The following MED28 variants were observed in gnomAD, a reference collection of about 807,000 sequenced individuals.
MED28 encodes mediator complex subunit 28, also known as mediator of RNA polymerase II transcription subunit 28.
In MED28, 26 loss-of-function variants were observed where a neutral mutation model predicts 21.3. That is an observed-to-expected ratio of 1.22 (90% CI 0.89 to 1.69). MED28 has a LOEUF of 1.69. MED28 is among the 40% of genes most tolerant of loss of function. The pLI is 0.00. For missense variants in MED28, 257 were observed against 215.4 expected (o/e 1.19, Z -1.21); for synonymous variants, 110 against 87.6 (o/e 1.26, Z -1.43).
Position 17,621,693 on chromosome 4 carries a change from C to T in MED28, c.333C>T (p.Ile111=). 2 of 1,605,126 alleles carry T rather than the reference C, an allele frequency of 1.2e-6. No homozygotes were observed. Among genetic ancestry groups the T allele is most frequent in the Non-Finnish European group, 1.7e-6 (2 of 1,175,366 alleles). ...CTGTCCAGAAACCAGAGCAAGTTAT[C>T]AAAGAGGTATGAACTCAGTTTTCTC... The part of the protein sequence containing the change: ...QLSVQKPEQV[I]KEDVSELRNE... The change falls in exon 3 of 4, where the codon ATC becomes ATT. Residue 111 remains isoleucine, a synonymous_variant. Coordinates refer to ENST00000237380, the MANE Select transcript of MED28 (RefSeq NM_025205.5).
intron 2 of MED28, among the ~76,000 whole-genome samples, chr4:17,620,356 T>TTG (rs1444155838): frequency 1.3e-5 from 2 of 149,124 alleles, no homozygotes; most frequent in Non-Finnish European, 3.0e-5. Flanking sequence ...TTTTACATGT[T>TTG]TTTTTTTTTT....
Position 17,623,829 on chromosome 4 carries a change from G to A in MED28, c.*31G>A. On this transcript the variant is annotated 3_prime_UTR_variant, in exon 4 of 4. Transcript: ENST00000237380. ...GGGCAGAGGCAGTTGGCCTATGAGT[G>A]GGCTGATGCGTGAGGTTGGCCACAC... 1 of 1,592,154 alleles carries A rather than the reference G, an allele frequency of 6.3e-7. No individual in the cohort carries two copies.
In MED28 at chr4:17,628,474, A is replaced by G. The variant is rs1298455524; in HGVS notation, c.*4676A>G. 50 of 152,164 alleles carry G rather than the reference A, an allele frequency of 3.3e-4. No individual in the cohort carries two copies. The highest frequency in any genetic ancestry group is 1.2e-3 in the African/African-American group (48 of 41,488). The allele number at this position is 152,164 out of a possible 1,614,324, so 9.4% of individuals were successfully genotyped here. On this transcript the variant is annotated 3_prime_UTR_variant, in exon 4 of 4. Transcript: ENST00000237380. ...TCGAGTGAATCCTCACTTCCTTGAA[A>G]TCACCCAACCAGGGCCAGAATCCTA...
In MED28 at chr4:17,633,536, A is replaced by C; in HGVS notation, c.*9738A>C. 1 of 663,428 alleles carries C rather than the reference A, an allele frequency of 1.5e-6. No homozygotes were observed. Among genetic ancestry groups the C allele is most frequent in the Non-Finnish European group, 2.4e-6 (1 of 414,940 alleles). 41.1% of individuals were successfully genotyped at this position (663,428 alleles called of 1,614,324 possible). A position where few individuals can be genotyped will look rare whatever the true frequency, so the allele number is the denominator to read the frequency against. ...TCCACCTTTTGTATAACCCATGCTGAAGTTTTCAGGTAAGTGATTCAGTGT... is the reference window on the plus strand; with the variant it reads ...TCCACCTTTTGTATAACCCATGCTGCAGTTTTCAGGTAAGTGATTCAGTGT... On this transcript the variant is annotated 3_prime_UTR_variant, in exon 4 of 4. Transcript: ENST00000237380.
In MED28 at chr4:17,624,440, A is replaced by G. The variant is rs988724381; in HGVS notation, c.*642A>G. The stretch of plus-strand genomic sequence containing the variant: ...GCTGACTTCTGTTTGGGGTATGTTT[A>G]TATTTTATGTGGTGTTTACTTTTTT... On this transcript the variant is annotated 3_prime_UTR_variant, in exon 4 of 4. Transcript: ENST00000237380. 4.0e-5 allele frequency: 6 copies of G among 151,876 alleles called. No individual in the cohort carries two copies. Among genetic ancestry groups the G allele is most frequent in the Admixed American group, 1.3e-4 (2 of 15,220 alleles). The allele number at this position is 151,876 out of a possible 1,614,324, so 9.4% of individuals were successfully genotyped here.
Position 17,630,990 on chromosome 4 carries a change from A to G in MED28, c.*7192A>G, listed in dbSNP as rs572566097. 5 of 152,356 alleles carry G rather than the reference A, an allele frequency of 3.3e-5. No homozygotes were observed. The East Asian group carries it at 9.6e-4, about 29-fold the overall frequency. 9.4% of individuals were successfully genotyped at this position (152,356 alleles called of 1,614,324 possible). On this transcript the variant is annotated 3_prime_UTR_variant, in exon 4 of 4. Coordinates refer to ENST00000237380, the MANE Select transcript of MED28 (RefSeq NM_025205.5). ...GTGGGCCACCTTCTGGGCCAGCACCAAAGACTGAAAAAATATTTTGCCCCC... is the reference window on the plus strand; with the variant it reads ...GTGGGCCACCTTCTGGGCCAGCACCGAAGACTGAAAAAATATTTTGCCCCC...
intron 1 of MED28, 93 bp from the exon 2 acceptor site, chr4:17,619,808 C>A: frequency 9.4e-7 from 1 of 1,067,134 alleles, no homozygotes; most frequent in Non-Finnish European, 1.4e-6. Flanking sequence ...GCCACCTCAT[C>A]AGATGACTTC....
At position 17,628,290 on chromosome 4, in the gene MED28, G is replaced by GTGTATATGCGTATA. The variant is rs1305257364; in HGVS notation, c.*4493_*4494insGTATATGCGTATAT. The GTGTATATGCGTATA allele has an allele frequency of 6.7e-6, 1 of 148,418 alleles. No individual in the cohort carries two copies. The highest frequency in any genetic ancestry group is 2.6e-5 in the African/African-American group (1 of 39,138). The allele number at this position is 148,418 out of a possible 1,614,324, so 9.2% of individuals were successfully genotyped here. On this transcript the variant is annotated 3_prime_UTR_variant, in exon 4 of 4. Coordinates refer to ENST00000237380, the MANE Select transcript of MED28 (RefSeq NM_025205.5). ...TGTGTGTGTGTGTGTGTGTGTGTGT[G>GTGTATATGCGTATA]TATGTGTATATGCGTATATATGTGT...
Position 17,632,634 on chromosome 4 carries a change from A to C in MED28, c.*8836A>C. The C allele has an allele frequency of 1.4e-6, 2 of 1,419,858 alleles. No individual in the cohort carries two copies. The highest frequency in any genetic ancestry group is 1.9e-6 in the Non-Finnish European group (2 of 1,075,722). 88.0% of individuals were successfully genotyped at this position (1,419,858 alleles called of 1,614,324 possible). The stretch of plus-strand genomic sequence containing the variant: ...TTTCACCATCTGGGGTCCTAAAAGC[A>C]AAAAAAGGTTTTTTTATATGGTTTT... On this transcript the variant is annotated 3_prime_UTR_variant, in exon 4 of 4. Transcript: ENST00000237380.
rs1714765206 is a variant in MED28 at position 17,626,123 on chromosome 4, G to A, written c.*2325G>A. 6.5e-6 allele frequency: 1 copy of A among 154,970 alleles called. No homozygotes were observed. 9.6% of individuals were successfully genotyped at this position (154,970 alleles called of 1,614,324 possible). On this transcript the variant is annotated 3_prime_UTR_variant, in exon 4 of 4. Coordinates refer to ENST00000237380, the MANE Select transcript of MED28 (RefSeq NM_025205.5). ...GCAGTGGCTCACGCCTGTAATCCCAGCACTTTGGGGGGCTGAGGCAGGAGA... is the reference window on the plus strand; with the variant it reads ...GCAGTGGCTCACGCCTGTAATCCCAACACTTTGGGGGGCTGAGGCAGGAGA...
At chr4:17,620,692 CTT>C (rs146604205) in intron 2 of MED28, among the ~76,000 whole-genome samples, 2,626 of 108,710 alleles carry the variant, frequency 0.024, 49 homozygotes, top group East Asian at 0.072. Context: ...TGCATTGTCT[CTT>C]TTTTTTTTTT....
At chr4:17,618,729 G>C in intron 1 of MED28, among the ~76,000 whole-genome samples, 1 of 91,580 alleles carries the variant, frequency 1.1e-5, no homozygotes, top group Admixed American at 1.3e-4. Flanking sequence ...TGTTAGTTAG[G>C]ATGGTGACTT....
At position 17,628,671 on chromosome 4, in the gene MED28, G is replaced by C. The variant is rs1714836774; in HGVS notation, c.*4873G>C. On this transcript the variant is annotated 3_prime_UTR_variant, in exon 4 of 4. Coordinates refer to ENST00000237380, the MANE Select transcript of MED28 (RefSeq NM_025205.5). ...GTGTCTCGGGGCATGCCTGGTGGAGGACCTGACTGAGACAATTGTGACTGG... is the reference window on the plus strand; with the variant it reads ...GTGTCTCGGGGCATGCCTGGTGGAGCACCTGACTGAGACAATTGTGACTGG... 9 of 152,302 alleles carry C rather than the reference G, an allele frequency of 5.9e-5. No individual in the cohort carries two copies. In the South Asian group the frequency reaches 1.9e-3, roughly 32 times the overall value. 9.4% of individuals were successfully genotyped at this position (152,302 alleles called of 1,614,324 possible). A position where few individuals can be genotyped will look rare whatever the true frequency, so the allele number is the denominator to read the frequency against.
intron 2 of MED28, among the ~76,000 whole-genome samples, chr4:17,620,393 C>T (rs1714587571): frequency 1.3e-5 from 2 of 150,848 alleles, no homozygotes; most frequent in Non-Finnish European, 2.9e-5. Context: ...TCTTGTCGCC[C>T]AGGCTGGAGT....
chr4:17,622,175 G>C (rs1173757627), intron 3 of MED28, among the ~76,000 whole-genome samples: 1 of 152,150 alleles, frequency 6.6e-6, no homozygotes, highest in African/African-American at 2.4e-5. Context: ...GAAGTGTGTT[G>C]GGGTTGCCAC....
At position 17,631,418 on chromosome 4, in the gene MED28, G is replaced by GC. The variant is rs777834784; in HGVS notation, c.*7622dup. ...GGCCTCAAGCTCTCCTCCCATCTCA[G>GC]CCTCCCAAAGTGTTGGGATTACAGG... is the stretch of plus-strand genomic sequence containing the variant. On this transcript the variant is annotated 3_prime_UTR_variant, in exon 4 of 4. Coordinates refer to ENST00000237380, the MANE Select transcript of MED28 (RefSeq NM_025205.5). 2.0e-5 allele frequency: 3 copies of GC among 152,196 alleles called. No individual in the cohort carries two copies. The highest frequency in any genetic ancestry group is 2.9e-5 in the Non-Finnish European group (2 of 68,122). The allele number at this position is 152,196 out of a possible 1,614,324, so 9.4% of individuals were successfully genotyped here. A position where few individuals can be genotyped will look rare whatever the true frequency, so the allele number is the denominator to read the frequency against.
rs1715010328 is a variant in MED28 at position 17,633,012 on chromosome 4, T to G, written c.*9214T>G. Reference sequence around the variant, plus strand: ...TCTCGGCTCACTGCAACCTCCAGCCTCCTGCGTTCAAGCGATCATTGTGCC... The same window carrying G: ...TCTCGGCTCACTGCAACCTCCAGCCGCCTGCGTTCAAGCGATCATTGTGCC... On this transcript the variant is annotated 3_prime_UTR_variant, in exon 4 of 4. Transcript: ENST00000237380. The G allele has an allele frequency of 6.2e-6, 1 of 161,704 alleles. No individual in the cohort carries two copies. Among genetic ancestry groups the G allele is most frequent in the East Asian group, 1.7e-4 (1 of 5,748 alleles). The allele number at this position is 161,704 out of a possible 1,614,324, so 10.0% of individuals were successfully genotyped here.
chr4:17,617,816 A>C (rs1038578580), intron 1 of MED28, among the ~76,000 whole-genome samples: 2 of 151,974 alleles, frequency 1.3e-5, no homozygotes, highest in Non-Finnish European at 2.9e-5. Context: ...CTGAGGCAGG[A>C]GAATCGCTGA....
rs371644664 is a variant in MED28 at position 17,623,720 on chromosome 4, C to T, written c.459C>T (p.Pro153=). Residue 153 remains proline (P), a synonymous_variant, in exon 4 of 4, where the codon CCC becomes CCT. Coordinates refer to ENST00000237380, the MANE Select transcript of MED28 (RefSeq NM_025205.5). ...LEDINVQHKK[P]ADIPQGSLAY... ...ACATCAACGTGCAGCACAAAAAGCCCGCCGACATCCCTCAGGGCTCCTTGG... is the reference window on the plus strand; with the variant it reads ...ACATCAACGTGCAGCACAAAAAGCCTGCCGACATCCCTCAGGGCTCCTTGG... 3.8e-5 allele frequency: 61 copies of T among 1,614,186 alleles called. No individual in the cohort carries two copies. The highest frequency in any genetic ancestry group is 2.0e-4 in the East Asian group (9 of 44,878).
Sources: allele counts gnomAD v4.1 joint callset (sites outside exome capture counted in the v4.1 genomes callset), GRCh38; gene constraint gnomAD v4.1.1; transcripts MANE v1.5; gene names NCBI Gene and HGNC (gene_info 2026-07-23, HGNC 2026-07-21).